TIAM2: variants seen among roughly 807,000 people sequenced by gnomAD.
The protein encoded by TIAM2 is rho guanine nucleotide exchange factor TIAM2.
A neutral mutation model predicts 152.9 loss-of-function variants in TIAM2; 80 were observed. The observed-to-expected ratio is 0.52, with a 90% confidence interval of 0.44 to 0.63. The LOEUF (loss-of-function observed/expected upper bound fraction) is 0.63. Ranked by LOEUF, TIAM2 falls within the 30% of genes least tolerant of loss-of-function variation. The probability of loss-of-function intolerance (pLI) is 0.00; values close to 1 mark genes in which losing one functional copy is unlikely to be tolerated. For synonymous variants in TIAM2, 804 were observed against 838.0 expected, an observed-to-expected ratio of 0.96 and a Z score of 0.70; for missense variants, 1,965 against 2,120.1, an observed-to-expected ratio of 0.93 and a Z score of 1.44.
intron 1 of TIAM2, among the ~76,000 whole-genome samples, chr6:155,028,627 A>G (rs571695420): frequency 6.3e-5 from 7 of 110,700 alleles, no homozygotes; most frequent in Admixed American, 3.2e-4. Context: ...CATATAATAT[A>G]TATACTGTGT....
intron 15 of TIAM2, among the ~76,000 whole-genome samples, chr6:155,223,517 A>ATTTTTTTTTTTT (rs11389646): frequency 7.1e-6 from 1 of 140,862 alleles, no homozygotes; most frequent in African/African-American, 2.6e-5. Flanking sequence ...ACATCCCCAG[A>ATTTTTTTTTTTT]TTTTTTTTTC....
chr6:155,178,716 A>G (rs182261113), intron 10 of TIAM2, among the ~76,000 whole-genome samples: 4 of 152,098 alleles, frequency 2.6e-5, no homozygotes, highest in African/African-American at 7.2e-5. Flanking sequence ...CTAGTATTAT[A>G]GGTGTGTGCC....
chr6:155,168,702 G>T (rs781264694), intron 9 of TIAM2: 71 of 688,108 alleles, frequency 1.0e-4, no homozygotes, highest in African/African-American at 1.7e-4. Context: ...AACTTTAAGT[G>T]TATTAGAATA....
intron 15 of TIAM2, among the ~76,000 whole-genome samples, chr6:155,235,718 C>T (rs996704645): frequency 6.6e-6 from 1 of 152,230 alleles, no homozygotes; most frequent in Non-Finnish European, 1.5e-5. Context: ...AGCACTTGAA[C>T]ACTTAATTGT....
rs145304119 is a variant in TIAM2, at chr6:155,156,014, G to A, written c.2028+7680G>A. Among the ~76,000 whole-genome samples the A allele has an allele frequency of 4.7e-4, 72 of 152,310 alleles. No individual in the cohort carries two copies. The highest frequency in any genetic ancestry group is 1.6e-3 in the African/African-American group (68 of 41,574). ...AGTCTAGCAGGTGACAGACAGTTGA[G>A]CATACAATTTCAACATAACACAGTG... On this transcript the variant is annotated intron_variant, in intron 7 of 26. Coordinates refer to ENST00000682666, the MANE Select transcript of TIAM2 (RefSeq NM_012454.4). This position sits in a 1 kb window ranked among gnomAD's most constrained non-coding sequence, Gnocchi z 4.4.
At chr6:155,103,751 TAG>T (rs1423310416) in intron 2 of TIAM2, among the ~76,000 whole-genome samples, 5 of 140,154 alleles carry the variant, frequency 3.6e-5, no homozygotes, top group African/African-American at 1.3e-4. Context: ...AAAAAGGAAT[TAG>T]AGTAGGGGCA....
intron 2 of TIAM2, among the ~76,000 whole-genome samples, chr6:155,101,779 C>T (rs1045965689): frequency 2.6e-5 from 4 of 151,602 alleles, no homozygotes; most frequent in African/African-American, 4.9e-5. Flanking sequence ...GGTGCAATCT[C>T]GGCTCACTGC....
chr6:154,999,201 A>AAATTAATTAATT (rs71021101), intron 1 of TIAM2, among the ~76,000 whole-genome samples: 212 of 149,922 alleles, frequency 1.4e-3, no homozygotes, highest in African/African-American at 2.5e-3. Context: ...TGCTATAGGA[A>AAATTAATTAATT]AATTAATTAA....
chr6:155,058,241 A>G (rs1562303464), intron 1 of TIAM2, among the ~76,000 whole-genome samples: 1 of 152,126 alleles, frequency 6.6e-6, no homozygotes, highest in African/African-American at 2.4e-5. Flanking sequence ...ATGTATTTTA[A>G]TGTGTATTTC....
In TIAM2 at chr6:154,995,683, C is replaced by T. The variant is rs1208931799; in HGVS notation, c.-209+191C>T. Among the ~76,000 whole-genome samples the T allele has an allele frequency of 6.6e-6, 1 of 151,996 alleles. No individual in the cohort carries two copies. Among genetic ancestry groups the T allele is most frequent in the Admixed American group, 6.5e-5 (1 of 15,276 alleles). On this transcript the variant is annotated intron_variant, in intron 1 of 26. Coordinates refer to ENST00000682666, the MANE Select transcript of TIAM2 (RefSeq NM_012454.4). This position sits in a 1 kb window ranked among gnomAD's most constrained non-coding sequence, Gnocchi z 5.2. Reference sequence around the variant, plus strand: ...CGCGGCTGCGGGGCGCGGCCTGGCACCCTCTCCCCGGAGGGCGGCAGCGTC... The same window carrying T: ...CGCGGCTGCGGGGCGCGGCCTGGCATCCTCTCCCCGGAGGGCGGCAGCGTC...
At position 155,234,003 on chromosome 6, in the gene TIAM2, TG is replaced by T. The variant is rs1430860867; in HGVS notation, c.3169-6518del. 6.8e-5 allele frequency among the ~76,000 whole-genome samples: 10 copies of T among 147,368 alleles called. 1 individual carries two copies. Among genetic ancestry groups the T allele is most frequent in the African/African-American group, 1.0e-4 (4 of 39,148 alleles). Reference sequence around the variant, plus strand: ...AAACAATTTGAGAGAAAATTTTTTTTGGGGGGGGGTTGGGGTTCAATATCAT... The same window carrying T: ...AAACAATTTGAGAGAAAATTTTTTTTGGGGGGGGTTGGGGTTCAATATCAT... On this transcript the variant is annotated intron_variant, in intron 15 of 26. Transcript: ENST00000682666.
chr6:155,017,318 G>T (rs1016308076), intron 1 of TIAM2, among the ~76,000 whole-genome samples: 9 of 152,074 alleles, frequency 5.9e-5, no homozygotes, highest in Non-Finnish European at 1.3e-4. Flanking sequence ...ATGGGTTGCA[G>T]CTGGTAGAGG....
intron 14 of TIAM2, among the ~76,000 whole-genome samples, chr6:155,210,440 G>A (rs372556517): frequency 1.2e-4 from 18 of 151,110 alleles, no homozygotes; most frequent in Middle Eastern, 3.2e-3. Flanking sequence ...TGCCTCAGCC[G>A]TCCAAGTAGC....
chr6:155,187,573 C>CCCTTTTTTTTTTTTTTTTTTTT (rs1189509294), intron 14 of TIAM2, among the ~76,000 whole-genome samples: 1 of 49,614 alleles, frequency 2.0e-5, no homozygotes, highest in African/African-American at 7.9e-5. Flanking sequence ...ACCCCGCCCC[C>CCCTTTTTTTTTTTTTTTTTTTT]TTTTTTTTTT....
chr6:155,139,291 G>C (rs7767306), intron 5 of TIAM2, among the ~76,000 whole-genome samples: 23,466 of 152,212 alleles, frequency 0.15, 2,377 homozygotes, highest in East Asian at 0.52. Flanking sequence ...TGGCACCTCT[G>C]GTAAAGGAGC....
intron 14 of TIAM2, among the ~76,000 whole-genome samples, chr6:155,200,306 T>C (rs1781446920): frequency 6.6e-6 from 1 of 152,216 alleles, no homozygotes; most frequent in Non-Finnish European, 1.5e-5. Context: ...CCTTTTTTGA[T>C]GGTTCATACA....
At chr6:155,027,431 C>A (rs1365583749) in intron 1 of TIAM2, among the ~76,000 whole-genome samples, 33 of 81,852 alleles carry the variant, frequency 4.0e-4, no homozygotes, top group Admixed American at 1.5e-3. Context: ...TACATATATA[C>A]TATATATAAT....
chr6:155,002,785 G>A (rs2498494), intron 1 of TIAM2, among the ~76,000 whole-genome samples: 106,177 of 151,658 alleles, frequency 0.7, 39,584 homozygotes, highest in East Asian at 0.93. Flanking sequence ...GGTTCGAGCA[G>A]TTCTCCTGGC....
At chr6:155,198,470 C>T (rs1781398164) in intron 14 of TIAM2, among the ~76,000 whole-genome samples, 1 of 152,046 alleles carries the variant, frequency 6.6e-6, no homozygotes, top group African/African-American at 2.4e-5. Context: ...CGAGACCAGC[C>T]TCACCAACAT....
Sources: allele counts gnomAD v4.1 joint callset (sites outside exome capture counted in the v4.1 genomes callset), GRCh38; gene constraint gnomAD v4.1.1; non-coding constraint Gnocchi (gnomAD v3.1); transcripts MANE v1.5; gene names NCBI Gene and HGNC (gene_info 2026-07-23, HGNC 2026-07-21).